NDUFB5: variants seen among roughly 807,000 people sequenced by gnomAD.
The protein encoded by NDUFB5 is NADH:ubiquinone oxidoreductase subunit B5.
NDUFB5 carries 19 observed loss-of-function variants against 19.4 expected under a neutral mutation model. The ratio of observed to expected loss-of-function variants is 0.98; its 90% CI spans 0.68 to 1.43. NDUFB5 has a LOEUF of 1.43. Ranked by LOEUF, NDUFB5 falls within the 40% of genes most tolerant of loss-of-function variation. NDUFB5 has a pLI of 0.00. For synonymous variants in NDUFB5, 80 were observed against 82.6 expected, an observed-to-expected ratio of 0.97 and a Z score of 0.17; for missense variants, 233 against 236.5, an observed-to-expected ratio of 0.99 and a Z score of 0.10.
intron 1 of NDUFB5, among the ~76,000 whole-genome samples, chr3:179,605,952 T>C (rs1719084097): frequency 1.3e-5 from 2 of 152,076 alleles, no homozygotes; most frequent in Non-Finnish European, 2.9e-5. Context: ...CCACCACGCC[T>C]GGCTAATTTT....
At chr3:179,606,442 G>A (rs1187107666) in intron 1 of NDUFB5, among the ~76,000 whole-genome samples, 1 of 152,080 alleles carries the variant, frequency 6.6e-6, no homozygotes, top group Non-Finnish European at 1.5e-5. Flanking sequence ...GCGTTCAGGC[G>A]ATTCTCCTGC....
At chr3:179,619,525 T>C (rs1042215216) in intron 5 of NDUFB5, among the ~76,000 whole-genome samples, 2 of 152,178 alleles carry the variant, frequency 1.3e-5, no homozygotes, top group East Asian at 1.9e-4. Flanking sequence ...ACAAAGGACA[T>C]GAACTCATCA....
chr3:179,620,677 C>T (rs74616389), intron 5 of NDUFB5, among the ~76,000 whole-genome samples: 2,770 of 152,208 alleles, frequency 0.018, 82 homozygotes, highest in East Asian at 0.11. Context: ...CTTGGAGTGC[C>T]TGTGTTTTTT....
chr3:179,617,236 C>T (rs1281148883), intron 4 of NDUFB5, 192 bp downstream of exon 4: 3 of 412,848 alleles, frequency 7.3e-6, no homozygotes, highest in Non-Finnish European at 1.3e-5. Flanking sequence ...CTCCCGCATT[C>T]AAGCGATTCT....
rs1471142732 is a variant in NDUFB5, at chr3:179,617,068, A to G, written c.342+24A>G. 10 of 1,478,742 alleles carry G rather than the reference A, an allele frequency of 6.8e-6. No homozygotes were observed. In the East Asian group the frequency reaches 2.3e-4, roughly 33 times the overall value. The allele number at this position is 1,478,742 out of a possible 1,614,324, so 91.6% of individuals were successfully genotyped here. A position where few individuals can be genotyped will look rare whatever the true frequency, so the allele number is the denominator to read the frequency against. On this transcript the variant is annotated intron_variant, in intron 4 of 5. Transcript: ENST00000259037. ...AGGTTTGTATAGGACATTGACAATT[A>G]CATACTGTTACATGCCTTGTCAACG...
chr3:179,613,489 GCATAGGATCTGCACATAGTATGCAAT>G (rs1719300392), intron 1 of NDUFB5, among the ~76,000 whole-genome samples: 1 of 152,134 alleles, frequency 6.6e-6, no homozygotes, highest in Admixed American at 6.6e-5. Flanking sequence ...TATAGTTCTA[GCATAGGATCTGCACATAGTATGCAAT>G]TAAATATGTA....
At chr3:179,607,539 T>A (rs1341359052) in intron 1 of NDUFB5, among the ~76,000 whole-genome samples, 1 of 152,182 alleles carries the variant, frequency 6.6e-6, no homozygotes, top group African/African-American at 2.4e-5. Context: ...GTGGAAAAAA[T>A]CAACAGTGCC....
chr3:179,624,168 C>A lies in NDUFB5; in HGVS notation c.*128C>A. 2 of 823,636 alleles carry A rather than the reference C, an allele frequency of 2.4e-6. No individual in the cohort carries two copies. The highest frequency in any genetic ancestry group is 3.5e-6 in the Non-Finnish European group (2 of 570,558). The allele number at this position is 823,636 out of a possible 1,614,324, so 51.0% of individuals were successfully genotyped here. On this transcript the variant is annotated 3_prime_UTR_variant, in exon 6 of 6. Transcript: ENST00000259037. ...ACATTACTGTCTCTCAGTGTTGGTT[C>A]AGATTGAGGCTTTTGTTTGAGGAGT...
At chr3:179,607,729 C>T (rs1157546988) in intron 1 of NDUFB5, 4 of 701,610 alleles carry the variant, frequency 5.7e-6, no homozygotes, top group South Asian at 1.5e-5. Context: ...ATCCGTTAAA[C>T]AATAACTCTC....
intron 5 of NDUFB5, among the ~76,000 whole-genome samples, chr3:179,620,068 G>A (rs1282347232): frequency 1.3e-5 from 2 of 152,046 alleles, no homozygotes. Flanking sequence ...TTGTAAATTT[G>A]TTTGAGTTCA....
chr3:179,606,843 G>A (rs142546861), intron 1 of NDUFB5, among the ~76,000 whole-genome samples: 2 of 152,260 alleles, frequency 1.3e-5, no homozygotes, highest in South Asian at 4.1e-4. Context: ...CCACTCCACA[G>A]GATGAGGCAA....
chr3:179,621,407 T>C (rs920911191), intron 5 of NDUFB5, among the ~76,000 whole-genome samples: 1 of 152,188 alleles, frequency 6.6e-6, no homozygotes, highest in African/African-American at 2.4e-5. Context: ...ATATTGTCTT[T>C]TGGCAGTGTA....
At chr3:179,623,176 C>G (rs1719581114) in intron 5 of NDUFB5, among the ~76,000 whole-genome samples, 1 of 152,106 alleles carries the variant, frequency 6.6e-6, no homozygotes, top group South Asian at 2.1e-4. Flanking sequence ...ATGTGAAACT[C>G]CAAAAAAGCT....
intron 5 of NDUFB5, among the ~76,000 whole-genome samples, chr3:179,619,428 C>T (rs1198896256): frequency 6.6e-6 from 1 of 151,890 alleles, no homozygotes; most frequent in Non-Finnish European, 1.5e-5. Flanking sequence ...TCAATTCCCA[C>T]CTATGACTGA....
At chr3:179,618,583 A>C in intron 5 of NDUFB5, 62 bp downstream of exon 5, 1 of 1,067,776 alleles carries the variant, frequency 9.4e-7, no homozygotes, top group South Asian at 1.3e-5. Context: ...ACCACCAGAA[A>C]AAATTAATAA....
At position 179,616,034 on chromosome 3, in the gene NDUFB5, G is replaced by T; in HGVS notation, c.265G>T (p.Val89Leu). ...TCCAGTAGCAATTTTCATAACTCTG[G>T]TGAATGTATTCATTGGTAAGTCACT... is the stretch of plus-strand genomic sequence containing the variant. ...GIPVAIFITLVNVFIGQAELA... is the reference protein window; with the variant it reads ...GIPVAIFITLLNVFIGQAELA... The change falls in exon 3 of 6, where the codon GTG becomes TTG. Residue 89 changes from valine to leucine, a missense_variant. Val to Leu is a conservative substitution (Grantham distance 32). Transcript: ENST00000259037. 1 of 1,613,426 alleles carries T rather than the reference G, an allele frequency of 6.2e-7. No individual in the cohort carries two copies. Among genetic ancestry groups the T allele is most frequent in the South Asian group, 1.1e-5 (1 of 90,998 alleles).
Position 179,624,019 on chromosome 3 carries a change from G to A in NDUFB5, c.549G>A (p.Pro183=), listed in dbSNP as rs767107735. Reference sequence around the variant, plus strand: ...ACAAGGAACTTATTGATCATTCTCCGAAAGCAACTCCTGACAATTAAGCAT... The same window carrying A: ...ACAAGGAACTTATTGATCATTCTCCAAAAGCAACTCCTGACAATTAAGCAT... ...TIDKELIDHS[P]KATPDN Residue 183 remains proline (P), a synonymous_variant, in exon 6 of 6, where the codon CCG becomes CCA. Coordinates refer to ENST00000259037, the MANE Select transcript of NDUFB5 (RefSeq NM_002492.4). The A allele has an allele frequency of 1.5e-4, 240 of 1,613,456 alleles. No homozygotes were observed. The highest frequency in any genetic ancestry group is 1.9e-4 in the Non-Finnish European group (229 of 1,179,738).
intron 5 of NDUFB5, among the ~76,000 whole-genome samples, chr3:179,618,810 C>G (rs1203108775): frequency 6.6e-6 from 1 of 151,804 alleles, no homozygotes; most frequent in African/African-American, 2.4e-5. Context: ...AAGACCATGC[C>G]ACTGCACTGC....
At chr3:179,610,568 G>A (rs1719213948) in intron 1 of NDUFB5, among the ~76,000 whole-genome samples, 1 of 152,174 alleles carries the variant, frequency 6.6e-6, no homozygotes, top group South Asian at 2.1e-4. Context: ...TTTTCATGAA[G>A]TCCAGTTTGT....
Sources: allele counts gnomAD v4.1 joint callset (sites outside exome capture counted in the v4.1 genomes callset), GRCh38; gene constraint gnomAD v4.1.1; transcripts MANE v1.5; gene names NCBI Gene and HGNC (gene_info 2026-07-23, HGNC 2026-07-21).